The following PRPF38B variants were observed in gnomAD, a reference collection of about 807,000 sequenced individuals.
The protein encoded by PRPF38B is pre-mRNA processing factor 38B, also known as pre-mRNA-splicing factor 38B.
In PRPF38B, 18 loss-of-function variants were observed where a neutral mutation model predicts 67.2. The ratio of observed to expected loss-of-function variants is 0.27; its 90% CI spans 0.19 to 0.40. PRPF38B has a LOEUF of 0.40. Among genes scored for constraint, PRPF38B ranks in the 10% least tolerant of loss-of-function variants. The probability of loss-of-function intolerance (pLI) is 1.00; values close to 1 mark genes in which losing one functional copy is unlikely to be tolerated. For synonymous variants in PRPF38B, 246 were observed against 234.2 expected, an observed-to-expected ratio of 1.05 and a Z score of -0.46; for missense variants, 544 against 684.9, an observed-to-expected ratio of 0.79 and a Z score of 2.30.
At chr1:108,693,150 G>A (rs531367220) in intron 1 of PRPF38B, among the ~76,000 whole-genome samples, 1 of 152,352 alleles carries the variant, frequency 6.6e-6, no homozygotes, top group Non-Finnish European at 1.5e-5. Context: ...AGGGATGGGG[G>A]AGAGGAGGAA....
chr1:108,700,182 T>C lies in PRPF38B; in HGVS notation c.*162T>C. ...TAGGGAAGTGCCTTTGTAATTCCAT[T>C]TATTGCATTGGTGTTTTCACCCAAT... On this transcript the variant is annotated 3_prime_UTR_variant, in exon 6 of 6. Transcript: ENST00000370025. 1 of 1,207,792 alleles carries C rather than the reference T, an allele frequency of 8.3e-7. No individual in the cohort carries two copies. Among genetic ancestry groups the C allele is most frequent in the Non-Finnish European group, 1.1e-6 (1 of 911,014 alleles). The allele number at this position is 1,207,792 out of a possible 1,614,324, so 74.8% of individuals were successfully genotyped here.
Position 108,702,729 on chromosome 1 carries a change from A to G in PRPF38B, c.*2709A>G, listed in dbSNP as rs59552454. On this transcript the variant is annotated 3_prime_UTR_variant, in exon 6 of 6. Transcript: ENST00000370025. ...TGCAGCTCACCACCAAGGTACATGT[A>G]TATCTAGGTAACAAACCGGCACGTT... Among the ~76,000 whole-genome samples, 3,480 of 152,228 alleles carry G rather than the reference A, an allele frequency of 0.023. 140 individuals carry two copies. The highest frequency in any genetic ancestry group is 0.079 in the African/African-American group (3,287 of 41,500).
At chr1:108,696,249 G>GT in intron 3 of PRPF38B, 28 bp from the exon 4 acceptor site, 1 of 1,611,034 alleles carries the variant, frequency 6.2e-7, no homozygotes, top group South Asian at 1.1e-5. Flanking sequence ...ATTCACATGT[G>GT]TTTAATAATA....
rs554764889 is a variant in PRPF38B, at chr1:108,700,101, T to C, written c.*81T>C. 6.6e-7 allele frequency: 1 copy of C among 1,504,124 alleles called. No individual in the cohort carries two copies. Among genetic ancestry groups the C allele is most frequent in the Non-Finnish European group, 8.8e-7 (1 of 1,132,348 alleles). 93.2% of individuals were successfully genotyped at this position (1,504,124 alleles called of 1,614,324 possible). The stretch of plus-strand genomic sequence containing the variant: ...TTTCCCCCACGTTGAGATTGTGCAG[T>C]AGTTCGCACTCCTCAAGCTCTCCCT... On this transcript the variant is annotated 3_prime_UTR_variant, in exon 6 of 6. Transcript: ENST00000370025.
chr1:108,695,932 C>T, intron 2 of PRPF38B, 111 bp from the exon 3 acceptor site: 1 of 1,364,836 alleles, frequency 7.3e-7, no homozygotes, highest in Non-Finnish European at 1.0e-6. Context: ...CTTTTTAATG[C>T]TCCTTAGTTC....
At chr1:108,695,562 C>G in intron 1 of PRPF38B, 140 bp from the exon 2 acceptor site, 1 of 738,618 alleles carries the variant, frequency 1.4e-6, no homozygotes, top group Middle Eastern at 2.9e-4. Flanking sequence ...GATTTACACA[C>G]TTAATATCAG....
rs75568183 is a variant in PRPF38B, at chr1:108,702,483, T to C, written c.*2463T>C. 1.4e-3 allele frequency among the ~76,000 whole-genome samples: 211 copies of C among 152,308 alleles called. 3 individuals carry two copies. In the East Asian group the frequency reaches 0.036, roughly 26 times the overall value. On this transcript the variant is annotated 3_prime_UTR_variant, in exon 6 of 6. Transcript: ENST00000370025. ...GAAAATTATGGTAGGTGTGAGAACA[T>C]GTAAATTGTGCTAGTTATTGCTATA...
rs747938215 is a variant in PRPF38B at position 108,699,718 on chromosome 1, CGAAGTA to C, written c.1350_1355del (p.Arg451_Ser452del). 17 of 1,612,094 alleles carry C rather than the reference CGAAGTA, an allele frequency of 1.1e-5. No homozygotes were observed. Among genetic ancestry groups the C allele is most frequent in the African/African-American group, 2.7e-5 (2 of 74,660 alleles). On this transcript the variant is annotated inframe_deletion, in exon 6 of 6. Transcript: ENST00000370025. ...GAGTCGAAGTAGAAATGCAGGGAAA[CGAAGTA>C]GAAGTAGAAGCAAAGAGAAATCAAG...
chr1:108,702,786 T>A lies in PRPF38B; in HGVS notation c.*2766T>A, dbSNP rs896373156. Reference sequence around the variant, plus strand: ...ATGTATCTGAACTTAAAGTATAATTTAAAAAAATTTTTAATACAGCTTAAT... The same window carrying A: ...ATGTATCTGAACTTAAAGTATAATTAAAAAAAATTTTTAATACAGCTTAAT... On this transcript the variant is annotated 3_prime_UTR_variant, in exon 6 of 6. Transcript: ENST00000370025. Among the ~76,000 whole-genome samples, 7 of 152,130 alleles carry A rather than the reference T, an allele frequency of 4.6e-5. No individual in the cohort carries two copies. The highest frequency in any genetic ancestry group is 7.2e-5 in the African/African-American group (3 of 41,424).
rs1365289130 is a variant in PRPF38B at position 108,701,772 on chromosome 1, GA to G, written c.*1757del. On this transcript the variant is annotated 3_prime_UTR_variant, in exon 6 of 6. Coordinates refer to ENST00000370025, the MANE Select transcript of PRPF38B (RefSeq NM_018061.4). ...TTAACATATGTACCACTCCATTTTA[GA>G]AAAATCTCATTAAATGAATTCTTCT... 4.6e-5 allele frequency: 7 copies of G among 152,124 alleles called. No individual in the cohort carries two copies. The highest frequency in any genetic ancestry group is 4.6e-4 in the Admixed American group (7 of 15,276). 9.4% of individuals were successfully genotyped at this position (152,124 alleles called of 1,614,324 possible).
intron 1 of PRPF38B, among the ~76,000 whole-genome samples, chr1:108,694,952 TCA>T (rs1254839785): frequency 1.3e-5 from 2 of 152,186 alleles, no homozygotes; most frequent in African/African-American, 4.8e-5. Context: ...CAGTGACTAT[TCA>T]CACTCAGTTT....
rs755524139 is a variant in PRPF38B at position 108,699,394 on chromosome 1, C to T, written c.1015C>T (p.Arg339Cys). The change falls in exon 6 of 6, where the codon CGC (arginine) becomes TGC (cysteine). Residue 339 changes from arginine to cysteine, a missense_variant. Transcript: ENST00000370025. ...RSRSRERHRSRSRSRDRKGDR... is the reference protein window; with the variant it reads ...RSRSRERHRSCSRSRDRKGDR... Reference sequence around the variant, plus strand: ...CAGAAGTAGGGAAAGGCATAGAAGTCGCAGTCGAAGTCGTGATAGGAAAGG... The same window carrying T: ...CAGAAGTAGGGAAAGGCATAGAAGTTGCAGTCGAAGTCGTGATAGGAAAGG... 4 of 1,612,686 alleles carry T rather than the reference C, an allele frequency of 2.5e-6. No individual in the cohort carries two copies. The highest frequency in any genetic ancestry group is 1.7e-4 in the Middle Eastern group (1 of 6,056).
At position 108,702,154 on chromosome 1, in the gene PRPF38B, C is replaced by CT. The variant is rs1398238332; in HGVS notation, c.*2135dup. 2.0e-5 allele frequency among the ~76,000 whole-genome samples: 3 copies of CT among 152,334 alleles called. No individual in the cohort carries two copies. Among genetic ancestry groups the CT allele is most frequent in the African/African-American group, 7.2e-5 (3 of 41,576 alleles). The stretch of plus-strand genomic sequence containing the variant: ...AGTTTGTTTTTGTTTTGAGACGGGC[C>CT]TGGCTCTGTCACCCAGACTGGAGTG... On this transcript the variant is annotated 3_prime_UTR_variant, in exon 6 of 6. Transcript: ENST00000370025.
intron 1 of PRPF38B, among the ~76,000 whole-genome samples, chr1:108,694,404 G>A (rs1659646202): frequency 6.6e-6 from 1 of 152,022 alleles, no homozygotes; most frequent in Non-Finnish European, 1.5e-5. Flanking sequence ...GATTCTACCA[G>A]GAATTGTTTT....
chr1:108,699,844 G>A lies in PRPF38B; in HGVS notation c.1465G>A (p.Glu489Lys). 1 of 1,613,472 alleles carries A rather than the reference G, an allele frequency of 6.2e-7. No individual in the cohort carries two copies. Among genetic ancestry groups the A allele is most frequent in the Non-Finnish European group, 8.5e-7 (1 of 1,179,894 alleles). Residue 489 changes from glutamate to lysine, a missense_variant, in exon 6 of 6, where the codon GAA becomes AAA. This residue lies in a region of PRPF38B where 387 missense variants were observed against 386.1 expected (regional missense o/e 1.00). Coordinates refer to ENST00000370025, the MANE Select transcript of PRPF38B (RefSeq NM_018061.4). ...CAGTGTTGAAAAATCAAAAAAACGG[G>A]AACATAGTCCCAGCAAAGAAAAATC... ...TDSVEKSKKR[E>K]HSPSKEKSRK...
chr1:108,695,508 C>T (rs1229684745), intron 1 of PRPF38B, among the ~76,000 whole-genome samples, 194 bp from the exon 2 acceptor site: 1 of 152,126 alleles, frequency 6.6e-6, no homozygotes, highest in Non-Finnish European at 1.5e-5. Flanking sequence ...ACCCTAGTAG[C>T]TTTATGGGTG....
At position 108,700,372 on chromosome 1, in the gene PRPF38B, G is replaced by A. The variant is rs1346123210; in HGVS notation, c.*352G>A. 1 of 180,820 alleles carries A rather than the reference G, an allele frequency of 5.5e-6. No individual in the cohort carries two copies. Among genetic ancestry groups the A allele is most frequent in the Non-Finnish European group, 1.2e-5 (1 of 86,160 alleles). The allele number at this position is 180,820 out of a possible 1,614,324, so 11.2% of individuals were successfully genotyped here. On this transcript the variant is annotated 3_prime_UTR_variant, in exon 6 of 6. Transcript: ENST00000370025. ...AATAAACTGCCACTAATCTATTTTT[G>A]TTTTGTAGGTGTGGGATTATGGTTT...
Position 108,692,826 on chromosome 1 carries a change from C to G in PRPF38B, c.235C>G (p.Leu79Val). 6.2e-7 allele frequency: 1 copy of G among 1,614,200 alleles called. No homozygotes were observed. Among genetic ancestry groups the G allele is most frequent in the Non-Finnish European group, 8.5e-7 (1 of 1,180,034 alleles). The change falls in exon 1 of 6, where the codon CTC becomes GTC. Residue 79 changes from leucine to valine, a missense_variant. Physicochemically the swap from Leu to Val is conservative, Grantham distance 32 (BLOSUM62 1). This residue lies in a region of PRPF38B where 26 missense variants were observed against 67.7 expected (regional missense o/e 0.38). Coordinates refer to ENST00000370025, the MANE Select transcript of PRPF38B (RefSeq NM_018061.4). The stretch of plus-strand genomic sequence containing the variant: ...TTACTTCAAAGTACAGCTCTACGAG[C>G]TCAAGACCTACCACGAGGTGGTGGA... Reference protein sequence around the residue: ...SPYFKVQLYELKTYHEVVDEI... With the variant: ...SPYFKVQLYEVKTYHEVVDEI...
chr1:108,700,115 C>G lies in PRPF38B; in HGVS notation c.*95C>G, dbSNP rs1660329993. On this transcript the variant is annotated 3_prime_UTR_variant, in exon 6 of 6. Coordinates refer to ENST00000370025, the MANE Select transcript of PRPF38B (RefSeq NM_018061.4). ...AGATTGTGCAGTAGTTCGCACTCCT[C>G]AAGCTCTCCCTGTAGGCTGCATTTT... The G allele has an allele frequency of 6.8e-7, 1 of 1,478,854 alleles. No homozygotes were observed. The highest frequency in any genetic ancestry group is 8.9e-7 in the Non-Finnish European group (1 of 1,118,598). The allele number at this position is 1,478,854 out of a possible 1,614,324, so 91.6% of individuals were successfully genotyped here. A position where few individuals can be genotyped will look rare whatever the true frequency, so the allele number is the denominator to read the frequency against.
Sources: gnomAD v4.1 joint callset for allele counts (sites outside exome capture counted in the v4.1 genomes callset) on GRCh38, gnomAD v4.1.1 for gene constraint, gnomAD v4.1.1 regional missense constraint, MANE v1.5 for transcripts, NCBI Gene and HGNC (gene_info 2026-07-23, HGNC 2026-07-21) for gene names.